The following TMEM8B variants were observed in gnomAD, a reference collection of about 807,000 sequenced individuals.
TMEM8B encodes the protein transmembrane protein 8B.
In TMEM8B, 29 loss-of-function variants were observed where a neutral mutation model predicts 49.3. That is an observed-to-expected ratio of 0.59 (90% CI 0.44 to 0.80). TMEM8B has a LOEUF of 0.80. TMEM8B is among the 30% of genes least tolerant of loss of function. The pLI is 0.00. For synonymous variants in TMEM8B, 264 were observed against 272.8 expected, an observed-to-expected ratio of 0.97 and a Z score of 0.32; for missense variants, 575 against 658.5, an observed-to-expected ratio of 0.87 and a Z score of 1.39.
intron 10 of TMEM8B, among the ~76,000 whole-genome samples, chr9:35,852,620 T>C (rs1157798477): frequency 6.6e-6 from 1 of 152,146 alleles, no homozygotes; most frequent in Non-Finnish European, 1.5e-5. Flanking sequence ...GGCTGCCAGA[T>C]ACATATTAGT....
chr9:35,864,103 G>A lies in TMEM8B; in HGVS notation c.*10263G>A, dbSNP rs1832694016. The A allele has an allele frequency of 6.6e-6, 1 of 152,166 alleles. No homozygotes were observed. The highest frequency in any genetic ancestry group is 1.5e-5 in the Non-Finnish European group (1 of 68,038). 9.4% of individuals were successfully genotyped at this position (152,166 alleles called of 1,614,324 possible). A position where few individuals can be genotyped will look rare whatever the true frequency, so the allele number is the denominator to read the frequency against. On this transcript the variant is annotated 3_prime_UTR_variant, in exon 13 of 13. Transcript: ENST00000643932. ...GAGGGCACGTCCCAGGTTTGAATCG[G>A]GGCCTTTGTTCCTTTTCTGCTGTAT... is the stretch of plus-strand genomic sequence containing the variant.
rs541591453 is a variant in TMEM8B, at chr9:35,864,363, G to A, written c.*10523G>A. On this transcript the variant is annotated 3_prime_UTR_variant, in exon 13 of 13. Coordinates refer to ENST00000643932, the MANE Select transcript of TMEM8B (RefSeq NM_001042590.4). The stretch of plus-strand genomic sequence containing the variant: ...CAAATTATTTTAAAAGAAAAGATAG[G>A]GGCATAACAAGAAGAAAGCTTCGGT... 6 of 152,192 alleles carry A rather than the reference G, an allele frequency of 3.9e-5. No homozygotes were observed. Among genetic ancestry groups the A allele is most frequent in the African/African-American group, 1.4e-4 (6 of 41,514 alleles). The allele number at this position is 152,192 out of a possible 1,614,324, so 9.4% of individuals were successfully genotyped here.
At chr9:35,850,189 C>A (rs1832005562) in intron 10 of TMEM8B, among the ~76,000 whole-genome samples, 1 of 152,186 alleles carries the variant, frequency 6.6e-6, no homozygotes, top group Non-Finnish European at 1.5e-5. Flanking sequence ...CCACATTCTG[C>A]AGTGCCTGGA....
At position 35,860,237 on chromosome 9, in the gene TMEM8B, A is replaced by T. The variant is rs1452253941; in HGVS notation, c.*6397A>T. ...CCCTAGGCTCCTCTCTGCTCTCCCC[A>T]GGATGGGGTCAGAGGAGACAGCAGA... is the stretch of plus-strand genomic sequence containing the variant. On this transcript the variant is annotated 3_prime_UTR_variant, in exon 13 of 13. Coordinates refer to ENST00000643932, the MANE Select transcript of TMEM8B (RefSeq NM_001042590.4). The T allele has an allele frequency of 2.0e-5, 3 of 152,248 alleles. No homozygotes were observed. The highest frequency in any genetic ancestry group is 4.4e-5 in the Non-Finnish European group (3 of 68,042). The allele number at this position is 152,248 out of a possible 1,614,324, so 9.4% of individuals were successfully genotyped here.
intron 10 of TMEM8B, among the ~76,000 whole-genome samples, chr9:35,848,405 C>A (rs554645651): frequency 6.6e-6 from 1 of 152,202 alleles, no homozygotes; most frequent in African/African-American, 2.4e-5. Context: ...AGCCCACTCT[C>A]GGCTACATGC....
intron 9 of TMEM8B, 28 bp from the exon 10 acceptor site, chr9:35,846,789 T>C (rs1831633330): frequency 6.2e-7 from 1 of 1,601,506 alleles, no homozygotes; most frequent in Non-Finnish European, 8.5e-7. Context: ...GTCTGTTCTC[T>C]TCCATTCTGT....
rs1403054523 is a variant in TMEM8B, at chr9:35,853,642, C to T, written c.2577C>T (p.Phe859=). ...YAFVETRDNY[F]YIHSIWHMLI... ...TTGTGGAGACCCGGGACAACTACTT[C>T]TACATTCACAGCATTTGGCATATGC... The change falls in exon 13 of 13, where the codon TTC becomes TTT. Residue 859 remains phenylalanine (F), a synonymous_variant. Transcript: ENST00000643932. This position sits in a 1 kb window ranked among gnomAD's most constrained non-coding sequence, Gnocchi z 4.2. 6.2e-7 allele frequency: 1 copy of T among 1,614,260 alleles called. No homozygotes were observed. The highest frequency in any genetic ancestry group is 1.7e-5 in the Admixed American group (1 of 60,036).
chr9:35,835,907 A>G (rs933747717), intron 3 of TMEM8B, among the ~76,000 whole-genome samples: 4 of 152,182 alleles, frequency 2.6e-5, no homozygotes, highest in South Asian at 2.1e-4. Flanking sequence ...AAATGCTGCA[A>G]TGTTTTCCTG....
chr9:35,844,462 G>C (rs1831324302), intron 6 of TMEM8B, among the ~76,000 whole-genome samples: 1 of 152,238 alleles, frequency 6.6e-6, no homozygotes. Context: ...TTTCCCATCA[G>C]CCAACCTGAG....
Position 35,854,005 on chromosome 9 carries a change from G to A in TMEM8B, c.*165G>A. 7.4e-7 allele frequency: 1 copy of A among 1,342,904 alleles called. No homozygotes were observed. The highest frequency in any genetic ancestry group is 9.5e-7 in the Non-Finnish European group (1 of 1,052,888). The allele number at this position is 1,342,904 out of a possible 1,614,324, so 83.2% of individuals were successfully genotyped here. On this transcript the variant is annotated 3_prime_UTR_variant, in exon 13 of 13. Coordinates refer to ENST00000643932, the MANE Select transcript of TMEM8B (RefSeq NM_001042590.4). ...GGACCTGGAGCCCTTCCCAGGACAT[G>A]GAGAACTTCCTGAGGGCCTGGAGTC... is the stretch of plus-strand genomic sequence containing the variant.
chr9:35,834,924 G>T, intron 2 of TMEM8B, 87 bp from the exon 3 acceptor site: 1 of 415,142 alleles, frequency 2.4e-6, no homozygotes, highest in South Asian at 1.3e-4. Context: ...TATCGGTGAA[G>T]AGTGACAGTT....
At chr9:35,849,903 A>AATCCTTGT (rs1159535925) in intron 10 of TMEM8B, among the ~76,000 whole-genome samples, 2 of 152,202 alleles carry the variant, frequency 1.3e-5, no homozygotes, top group African/African-American at 4.8e-5. Flanking sequence ...GTGCTCCTTG[A>AATCCTTGT]ATCCTTGTAA....
At position 35,856,835 on chromosome 9, in the gene TMEM8B, G is replaced by C. The variant is rs1256041001; in HGVS notation, c.*2995G>C. 6.6e-6 allele frequency: 1 copy of C among 152,266 alleles called. No individual in the cohort carries two copies. The highest frequency in any genetic ancestry group is 1.5e-5 in the Non-Finnish European group (1 of 68,120). 9.4% of individuals were successfully genotyped at this position (152,266 alleles called of 1,614,324 possible). A position where few individuals can be genotyped will look rare whatever the true frequency, so the allele number is the denominator to read the frequency against. ...ATGGTGACACCACTTTGGGTGGGGG[G>C]AAGATGAGCTCCACTTTGGACAGTT... On this transcript the variant is annotated 3_prime_UTR_variant, in exon 13 of 13. Transcript: ENST00000643932.
rs188413102 is a variant in TMEM8B, at chr9:35,842,729, G to A, written c.1635+12G>A. ...TCCAGCTCAATGCGGTACTCTTTAT[G>A]GAGAGTGGGGAGGTTGCTCTGCCAG... On this transcript the variant is annotated intron_variant, in intron 6 of 12. Transcript: ENST00000643932. The surrounding 1 kb of genome is among the most constrained non-coding windows in gnomAD (Gnocchi z 5.6). The A allele has an allele frequency of 6.3e-7, 1 of 1,596,928 alleles. No individual in the cohort carries two copies. Among genetic ancestry groups the A allele is most frequent in the African/African-American group, 1.3e-5 (1 of 74,602 alleles).
Position 35,853,076 on chromosome 9 carries a change from G to T in TMEM8B, c.2323-65G>T. The T allele has an allele frequency of 6.2e-7, 1 of 1,608,998 alleles. No homozygotes were observed. The highest frequency in any genetic ancestry group is 1.1e-5 in the South Asian group (1 of 90,844). Reference sequence around the variant, plus strand: ...ATTTCCAAGTGCCTCTCATGATTCTGACCCAGGCCCTGGAGTGCTGTCTGT... The same window carrying T: ...ATTTCCAAGTGCCTCTCATGATTCTTACCCAGGCCCTGGAGTGCTGTCTGT... On this transcript the variant is annotated intron_variant, in intron 11 of 12. Transcript: ENST00000643932. This position sits in a 1 kb window ranked among gnomAD's most constrained non-coding sequence, Gnocchi z 4.2.
chr9:35,836,688 G>A (rs965197458), intron 3 of TMEM8B, among the ~76,000 whole-genome samples: 3 of 152,358 alleles, frequency 2.0e-5, no homozygotes, highest in African/African-American at 7.2e-5. Flanking sequence ...GACCAAGGGG[G>A]AGCTGGGCAG....
In TMEM8B at chr9:35,853,740, G is replaced by A. The variant is rs761007837; in HGVS notation, c.2675G>A (p.Arg892Gln). 26 of 1,613,140 alleles carry A rather than the reference G, an allele frequency of 1.6e-5. No individual in the cohort carries two copies. The highest frequency in any genetic ancestry group is 1.6e-4 in the Middle Eastern group (1 of 6,080). Residue 892 changes from arginine (R) to glutamine (Q), a missense_variant, in exon 13 of 13, where the codon CGG becomes CAG. Transcript: ENST00000643932. The surrounding 1 kb of genome is among the most constrained non-coding windows in gnomAD (Gnocchi z 4.2). ...GACCACGGGGTCCCATCTGGAGCCC[G>A]GGCCCGGGGCTGTGGTTACCAGCTA... is the stretch of plus-strand genomic sequence containing the variant. ...KTDHGVPSGA[R>Q]ARGCGYQLCI...
At chr9:35,850,287 C>T (rs1456688019) in intron 10 of TMEM8B, among the ~76,000 whole-genome samples, 1 of 152,168 alleles carries the variant, frequency 6.6e-6, no homozygotes, top group Non-Finnish European at 1.5e-5. Flanking sequence ...CCCTACATTG[C>T]TTCATAAATA....
chr9:35,834,426 C>G, intron 1 of TMEM8B, 35 bp from the exon 2 acceptor site: 1 of 412,800 alleles, frequency 2.4e-6, no homozygotes, highest in East Asian at 3.6e-5. Flanking sequence ...GCCCTCTGTC[C>G]TGCCCTGCTC....
Sources: allele counts gnomAD v4.1 joint callset (sites outside exome capture counted in the v4.1 genomes callset), GRCh38; gene constraint gnomAD v4.1.1; non-coding constraint Gnocchi (gnomAD v3.1); transcripts MANE v1.5; gene names NCBI Gene and HGNC (gene_info 2026-07-23, HGNC 2026-07-21).